The following UNC80 variants were observed in gnomAD, a reference collection of about 807,000 sequenced individuals.
UNC80 encodes unc-80 subunit of NALCN channel complex, also known as protein unc-80 homolog.
Under a neutral mutation model 384.6 loss-of-function variants are expected in UNC80, and 164 were observed. The observed-to-expected ratio is 0.43, with a 90% CI of 0.38 to 0.49. The LOEUF (loss-of-function observed/expected upper bound fraction) is 0.49. Among genes scored for constraint, UNC80 ranks in the 20% least tolerant of loss-of-function variants. The pLI is 0.00. For synonymous variants in UNC80, 1,486 were observed against 1,527.8 expected (o/e 0.97, Z 0.64); for missense variants, 3,330 against 4,143.0 (o/e 0.80, Z 5.39).
chr2:209,921,456 CAGA>C, intron 33 of UNC80, 41 bp from the exon 34 acceptor site: 2 of 1,508,768 alleles, frequency 1.3e-6, no homozygotes, highest in South Asian at 1.3e-5. Flanking sequence ...TGTGACCTTG[CAGA>C]AGAATTGCTA....
At chr2:209,789,201 C>T (rs1424811546) in intron 5 of UNC80, among the ~76,000 whole-genome samples, 1 of 150,888 alleles carries the variant, frequency 6.6e-6, no homozygotes, top group African/African-American at 2.5e-5. Flanking sequence ...TTAAGTGATG[C>T]ATGACTGTAT....
intron 7 of UNC80, among the ~76,000 whole-genome samples, chr2:209,797,705 C>T (rs565185116): frequency 6.6e-6 from 1 of 152,248 alleles, no homozygotes; most frequent in African/African-American, 2.4e-5. Flanking sequence ...AATGGTATTT[C>T]TGGTTTCTAG....
intron 22 of UNC80, among the ~76,000 whole-genome samples, chr2:209,861,967 A>AT (rs1054263719): frequency 2.6e-5 from 4 of 151,440 alleles, no homozygotes; most frequent in Non-Finnish European, 5.9e-5. Flanking sequence ...TATTTTGCTT[A>AT]TTTTTTCAAA....
chr2:209,955,785 C>A (rs2092392732), intron 48 of UNC80, among the ~76,000 whole-genome samples: 1 of 134,498 alleles, frequency 7.4e-6, no homozygotes, highest in African/African-American at 2.8e-5. Flanking sequence ...ACTCTGTCAC[C>A]CAGGCTGGAG....
chr2:209,843,487 A>C (rs969383657), intron 21 of UNC80, among the ~76,000 whole-genome samples: 2 of 152,156 alleles, frequency 1.3e-5, no homozygotes, highest in Non-Finnish European at 2.9e-5. Context: ...CAGGAAGGAA[A>C]TTAAGAGACA....
chr2:209,938,575 A>G (rs1005229255), intron 42 of UNC80, among the ~76,000 whole-genome samples: 2 of 152,192 alleles, frequency 1.3e-5, no homozygotes, highest in African/African-American at 4.8e-5. Flanking sequence ...GATCTTAAAT[A>G]TAAACAATTC....
At chr2:209,801,164 C>T (rs1378135873) in intron 7 of UNC80, among the ~76,000 whole-genome samples, 1 of 152,040 alleles carries the variant, frequency 6.6e-6, no homozygotes, top group Non-Finnish European at 1.5e-5. Context: ...GTTAAAGTCT[C>T]CCACTATTAC....
chr2:209,994,034 C>T (rs1169766374), intron 63 of UNC80, 31 bp from the exon 64 acceptor site: 4 of 1,525,726 alleles, frequency 2.6e-6, no homozygotes, highest in Non-Finnish European at 3.5e-6. Context: ...ACCAACTCCT[C>T]CCCAATTTAC....
chr2:209,955,927 A>G (rs1009896022), intron 48 of UNC80, among the ~76,000 whole-genome samples: 9 of 151,426 alleles, frequency 5.9e-5, no homozygotes, highest in Non-Finnish European at 1.3e-4. Context: ...TATTTTCAGT[A>G]GAGACGGTGT....
chr2:209,846,345 T>C (rs1186393155), intron 21 of UNC80, among the ~76,000 whole-genome samples: 1 of 152,134 alleles, frequency 6.6e-6, no homozygotes, highest in Non-Finnish European at 1.5e-5. Context: ...TTCACTGAAA[T>C]TATTTCATTT....
At chr2:209,907,214 G>A (rs745700653) in intron 29 of UNC80, among the ~76,000 whole-genome samples, 16 of 145,330 alleles carry the variant, frequency 1.1e-4, no homozygotes, top group Middle Eastern at 3.9e-3. Flanking sequence ...CCAGCCAGCC[G>A]TTCATCTATT....
chr2:209,865,378 G>A (rs975897870), intron 22 of UNC80, among the ~76,000 whole-genome samples: 2 of 152,082 alleles, frequency 1.3e-5, no homozygotes, highest in African/African-American at 4.8e-5. Flanking sequence ...CAAGGCAGGC[G>A]GATCGCGAGG....
intron 29 of UNC80, among the ~76,000 whole-genome samples, chr2:209,911,633 A>T (rs561999654): frequency 6.6e-6 from 1 of 152,224 alleles, no homozygotes; most frequent in Admixed American, 6.5e-5. Flanking sequence ...AAAAATTCTT[A>T]AGAAGTTCAG....
At chr2:209,937,194 T>A (rs971143696) in intron 41 of UNC80, among the ~76,000 whole-genome samples, 1 of 152,368 alleles carries the variant, frequency 6.6e-6, no homozygotes, top group African/African-American at 2.4e-5. Context: ...ATAAGCTAGA[T>A]AAGACACTTA....
chr2:209,903,246 C>T (rs767872172), intron 28 of UNC80, among the ~76,000 whole-genome samples: 6 of 142,432 alleles, frequency 4.2e-5, no homozygotes, highest in East Asian at 4.2e-4. Flanking sequence ...GTTGAATCCA[C>T]GGATACAGAA....
At chr2:209,985,565 C>A (rs1339530610) in intron 61 of UNC80, among the ~76,000 whole-genome samples, 1 of 152,166 alleles carries the variant, frequency 6.6e-6, no homozygotes, top group Non-Finnish European at 1.5e-5. Flanking sequence ...TAAGAGAAGT[C>A]TTATGATGCA....
chr2:209,906,756 C>T (rs2088273019), intron 29 of UNC80, among the ~76,000 whole-genome samples: 1 of 151,992 alleles, frequency 6.6e-6, no homozygotes, highest in South Asian at 2.1e-4. Context: ...TGTGTGCATA[C>T]ATGTATATGT....
chr2:209,893,522 CG>C (rs1420284419), intron 26 of UNC80, among the ~76,000 whole-genome samples: 1 of 151,996 alleles, frequency 6.6e-6, no homozygotes, highest in African/African-American at 2.4e-5. Context: ...AAGTTTGGCT[CG>C]GGGGGGTTGC....
chr2:209,965,676 C>T (rs2092722576), intron 51 of UNC80, among the ~76,000 whole-genome samples: 1 of 152,042 alleles, frequency 6.6e-6, no homozygotes, highest in Non-Finnish European at 1.5e-5. Flanking sequence ...CTGCCTCGGC[C>T]TCCCAAAGTG....
Sources: gnomAD v4.1 joint callset for allele counts (sites outside exome capture counted in the v4.1 genomes callset) on GRCh38, gnomAD v4.1.1 for gene constraint, MANE v1.5 for transcripts, NCBI Gene and HGNC (gene_info 2026-07-23, HGNC 2026-07-21) for gene names.